The following POU6F2 variants were observed in gnomAD, a reference collection of about 807,000 sequenced individuals.
POU6F2 encodes POU domain, class 6, transcription factor 2.
POU6F2 carries 31 observed loss-of-function variants against 71.3 expected under a neutral mutation model. The ratio of observed to expected loss-of-function variants is 0.43; its 90% CI spans 0.33 to 0.59. The LOEUF is 0.59. Among genes scored for constraint, POU6F2 ranks in the 20% least tolerant of loss-of-function variants. The pLI, the probability that POU6F2 is intolerant of heterozygous loss-of-function variation, is 0.04. For missense variants in POU6F2, 783 were observed against 856.8 expected (o/e 0.91, Z 1.07); for synonymous variants, 347 against 355.7 (o/e 0.98, Z 0.27).
intron 5 of POU6F2, among the ~76,000 whole-genome samples, chr7:39,342,057 T>C (rs181936367): frequency 9.2e-5 from 14 of 152,352 alleles, no homozygotes; most frequent in African/African-American, 2.6e-4. Flanking sequence ...TTTTAACTTA[T>C]AAACTTAATA....
At chr7:39,150,438 T>C (rs1017453621) in intron 2 of POU6F2, among the ~76,000 whole-genome samples, 6 of 151,724 alleles carry the variant, frequency 4.0e-5, no homozygotes, top group African/African-American at 9.7e-5. Context: ...CACACTGTTT[T>C]GTATAACAGC....
Position 39,454,528 on chromosome 7 carries a change from A to T in POU6F2, c.1489+2827A>T, listed in dbSNP as rs188895873. On this transcript the variant is annotated intron_variant, in intron 8 of 9. Coordinates refer to ENST00000518318, the MANE Select transcript of POU6F2 (RefSeq NM_001370959.1). ...CCAGGACATTCCAAAGGATTTAGGA[A>T]CTCTGTGTCAAGAAGTGGGGTCAAA... Among the ~76,000 whole-genome samples the T allele has an allele frequency of 4.1e-3, 623 of 150,510 alleles. 5 individuals are homozygous for T. Among genetic ancestry groups the T allele is most frequent in the African/African-American group, 0.014 (572 of 40,994 alleles).
At chr7:39,357,930 A>G (rs1043358549) in intron 5 of POU6F2, among the ~76,000 whole-genome samples, 4 of 152,142 alleles carry the variant, frequency 2.6e-5, no homozygotes, top group Admixed American at 1.3e-4. Context: ...TTGGCCACAT[A>G]TCAAAACCAC....
At position 39,059,806 on chromosome 7, in the gene POU6F2, G is replaced by A. The variant is rs1052153264; in HGVS notation, c.106-26054G>A. Among the ~76,000 whole-genome samples the A allele has an allele frequency of 4.6e-5, 7 of 152,276 alleles. No homozygotes were observed. In the East Asian group the frequency reaches 1.3e-3, roughly 29 times the overall value. On this transcript the variant is annotated intron_variant, in intron 1 of 9. Transcript: ENST00000518318. Reference sequence around the variant, plus strand: ...ACCCATCTATTGATGAACAGATAAAGAAAATGCGATATAGTCATACAATGA... The same window carrying A: ...ACCCATCTATTGATGAACAGATAAAAAAAATGCGATATAGTCATACAATGA...
In POU6F2 at chr7:39,232,306, A is replaced by T. The variant is rs374884020; in HGVS notation, c.598+24686A>T. On this transcript the variant is annotated intron_variant, in intron 4 of 9. Transcript: ENST00000518318. The stretch of plus-strand genomic sequence containing the variant: ...ACAAAGGACAAGTAAATAGATAACA[A>T]AAGGTTTTTAGGAAAAAAAAAATGG... 5.9e-4 allele frequency among the ~76,000 whole-genome samples: 90 copies of T among 152,024 alleles called. 2 individuals are homozygous for T. In the South Asian group the frequency reaches 0.018, roughly 31 times the overall value.
intron 1 of POU6F2, among the ~76,000 whole-genome samples, chr7:39,009,435 G>C (rs1789194647): frequency 6.6e-6 from 1 of 152,068 alleles, no homozygotes; most frequent in African/African-American, 2.4e-5. Flanking sequence ...GAGACAATGG[G>C]GTTTTCTAGA....
intron 5 of POU6F2, among the ~76,000 whole-genome samples, chr7:39,341,147 C>T (rs929669054): frequency 2.6e-5 from 4 of 152,088 alleles, no homozygotes; most frequent in Admixed American, 6.5e-5. Flanking sequence ...GGTTGGTACA[C>T]GGACAGAAAG....
chr7:38,978,891 G>A (rs1320500522), intron 1 of POU6F2, among the ~76,000 whole-genome samples: 1 of 152,092 alleles, frequency 6.6e-6, no homozygotes, highest in Non-Finnish European at 1.5e-5. Context: ...GGTGCTTTCC[G>A]TGAAGTCAGT....
At chr7:39,030,902 T>C (rs141129627) in intron 1 of POU6F2, among the ~76,000 whole-genome samples, 86 of 151,966 alleles carry the variant, frequency 5.7e-4, no homozygotes, top group African/African-American at 1.9e-3. Context: ...AAAATATTTA[T>C]TTATTTATTT....
intron 2 of POU6F2, among the ~76,000 whole-genome samples, chr7:39,089,836 A>C (rs1243922243): frequency 6.6e-6 from 1 of 152,150 alleles, no homozygotes; most frequent in Non-Finnish European, 1.5e-5. Flanking sequence ...TGAGATTTGA[A>C]AGATGATTTA....
chr7:39,368,304 C>T (rs1030052236), intron 5 of POU6F2, among the ~76,000 whole-genome samples: 2 of 152,264 alleles, frequency 1.3e-5, no homozygotes, highest in African/African-American at 2.4e-5. Context: ...TGGTCTGGAT[C>T]GATCAAACCA....
intron 7 of POU6F2, among the ~76,000 whole-genome samples, chr7:39,443,816 G>A (rs1788463670): frequency 6.6e-6 from 1 of 152,104 alleles, no homozygotes; most frequent in Non-Finnish European, 1.5e-5. Flanking sequence ...AAAAAATAAA[G>A]GATTTCTGTC....
rs1784570865 is a variant in POU6F2, at chr7:39,281,930, A to G, written c.599-57712A>G. Among the ~76,000 whole-genome samples, 3 of 152,178 alleles carry G rather than the reference A, an allele frequency of 2.0e-5. No individual in the cohort carries two copies. In the South Asian group the frequency reaches 6.2e-4, roughly 32 times the overall value. ...TTTGCATTTACACCAACAGTGTATA[A>G]GAGTTCCCCTTTCTCCACATGATCA... On this transcript the variant is annotated intron_variant, in intron 4 of 9. Transcript: ENST00000518318.
chr7:38,979,139 G>A (rs1788251268), intron 1 of POU6F2, among the ~76,000 whole-genome samples: 1 of 151,760 alleles, frequency 6.6e-6, no homozygotes. Context: ...AGTTATCTAT[G>A]TTTACTTATG....
intron 5 of POU6F2, among the ~76,000 whole-genome samples, chr7:39,405,433 G>C (rs1396312466): frequency 1.3e-5 from 2 of 152,116 alleles, no homozygotes; most frequent in Non-Finnish European, 2.9e-5. Context: ...ATTAGGTATG[G>C]CATTAATTTT....
At position 39,056,653 on chromosome 7, in the gene POU6F2, T is replaced by TCG. The variant is rs1790527208; in HGVS notation, c.106-29206_106-29205insGC. The stretch of plus-strand genomic sequence containing the variant: ...GTTTCTCTCTCTTTCTCTTTTTCTC[T>TCG]CTCTCTCTCTGTGTGTGTGTGTGTA... On this transcript the variant is annotated intron_variant, in intron 1 of 9. Coordinates refer to ENST00000518318, the MANE Select transcript of POU6F2 (RefSeq NM_001370959.1). Among the ~76,000 whole-genome samples, 3 of 130,732 alleles carry TCG rather than the reference T, an allele frequency of 2.3e-5. No individual in the cohort carries two copies. The South Asian group carries it at 7.6e-4, about 33-fold the overall frequency. 85.8% of individuals were successfully genotyped at this position (130,732 alleles called of 152,430 possible).
intron 9 of POU6F2, among the ~76,000 whole-genome samples, chr7:39,463,236 T>C (rs1788989640): frequency 1.3e-5 from 2 of 152,260 alleles, no homozygotes; most frequent in South Asian, 4.1e-4. Flanking sequence ...TAAAACACTC[T>C]ATATAATTTT....
intron 1 of POU6F2, among the ~76,000 whole-genome samples, chr7:39,016,717 A>T (rs1203259365): frequency 6.6e-6 from 1 of 152,180 alleles, no homozygotes; most frequent in African/African-American, 2.4e-5. Context: ...ATCAGTGAGT[A>T]TATCAGGGAG....
chr7:39,049,935 C>G (rs1317505542), intron 1 of POU6F2, among the ~76,000 whole-genome samples: 1 of 151,920 alleles, frequency 6.6e-6, no homozygotes, highest in East Asian at 1.9e-4. Flanking sequence ...CTGCTATTTT[C>G]CTTCTTTAAT....
Sources: allele counts gnomAD v4.1 joint callset (sites outside exome capture counted in the v4.1 genomes callset), GRCh38; gene constraint gnomAD v4.1.1; transcripts MANE v1.5; gene names NCBI Gene and HGNC (gene_info 2026-07-23, HGNC 2026-07-21).